The following DGLUCY variants were observed in gnomAD, a reference collection of about 807,000 sequenced individuals.
DGLUCY encodes the protein D-glutamate cyclase, mitochondrial.
DGLUCY carries 58 observed loss-of-function variants against 58.5 expected under a neutral mutation model. The observed-to-expected ratio is 0.99, with a 90% CI of 0.80 to 1.23. DGLUCY has a LOEUF of 1.23. DGLUCY is among the 50% of genes most tolerant of loss of function. The probability of loss-of-function intolerance (pLI) is 0.00; values close to 1 mark genes in which losing one functional copy is unlikely to be tolerated. For synonymous variants in DGLUCY, 325 were observed against 314.1 expected (o/e 1.03, Z -0.37); for missense variants, 779 against 784.7 (o/e 0.99, Z 0.09).
At chr14:91,195,022 T>C (rs1486350922) in intron 9 of DGLUCY, among the ~76,000 whole-genome samples, 1 of 152,148 alleles carries the variant, frequency 6.6e-6, no homozygotes, top group Non-Finnish European at 1.5e-5. Flanking sequence ...AGTTTTAACA[T>C]GGGTACGGTG....
chr14:91,091,505 AAAAT>A (rs774817113), intron 1 of DGLUCY, among the ~76,000 whole-genome samples: 1 of 152,142 alleles, frequency 6.6e-6, no homozygotes, highest in South Asian at 2.1e-4. Context: ...CTGGGCGACA[AAAAT>A]AAATAAATAA....
chr14:91,074,977 C>T (rs1289545863), intron 1 of DGLUCY, among the ~76,000 whole-genome samples: 1 of 150,680 alleles, frequency 6.6e-6, no homozygotes, highest in Non-Finnish European at 1.5e-5. Context: ...GAGGCTGAGG[C>T]AGGAGAATTG....
exon 1 of DGLUCY, chr14:91,060,499 TC>T: frequency 7.8e-7 from 1 of 1,279,046 alleles, no homozygotes. Flanking sequence ...CGGACGCCCG[TC>T]CCCTCGCAGC....
chr14:91,112,071 C>G (rs903944163), upstream of DGLUCY, among the ~76,000 whole-genome samples: 4 of 151,192 alleles, frequency 2.6e-5, no homozygotes, highest in Non-Finnish European at 5.9e-5. Context: ...AACCCCGTCT[C>G]TACTACTAAA....
intron 2 of DGLUCY, among the ~76,000 whole-genome samples, chr14:91,159,546 C>A (rs183510523): frequency 9.9e-5 from 15 of 152,244 alleles, no homozygotes; most frequent in African/African-American, 3.6e-4. Context: ...TTTTAAAAAT[C>A]ATATTTTTTA....
At chr14:91,115,690 G>A (rs1420740186) in intron 1 of DGLUCY, among the ~76,000 whole-genome samples, 5 of 152,196 alleles carry the variant, frequency 3.3e-5, no homozygotes, top group Admixed American at 6.6e-5. Flanking sequence ...GATTATAGGC[G>A]TGAGCCACCA....
upstream of DGLUCY, chr14:91,107,873 GC>G (rs1461255916): frequency 1.3e-5 from 2 of 152,432 alleles, no homozygotes; most frequent in African/African-American, 4.8e-5. Flanking sequence ...GCCAGGCCAG[GC>G]CTCACTGAGG....
chr14:91,064,270 T>C (rs141138763), intron 1 of DGLUCY, among the ~76,000 whole-genome samples: 4 of 152,146 alleles, frequency 2.6e-5, no homozygotes, highest in Admixed American at 6.5e-5. Flanking sequence ...AGGTCTAGCA[T>C]AGGGATGTAA....
chr14:91,223,684 C>T (rs1406893714), intron 13 of DGLUCY: 3 of 1,286,564 alleles, frequency 2.3e-6, no homozygotes, highest in East Asian at 1.1e-4. Flanking sequence ...AGCAGGAGAG[C>T]AAAGGGAGAA....
intron 1 of DGLUCY, among the ~76,000 whole-genome samples, chr14:91,122,602 GTTTTTT>G (rs60627604): frequency 1.7e-4 from 18 of 104,792 alleles, no homozygotes; most frequent in African/African-American, 5.5e-4. Context: ...AAAGAAAAAA[GTTTTTT>G]TTTTTTTTTT....
intron 7 of DGLUCY, among the ~76,000 whole-genome samples, chr14:91,180,170 G>A (rs1435345610): frequency 2.0e-5 from 3 of 151,506 alleles, no homozygotes; most frequent in South Asian, 2.1e-4. Flanking sequence ...GATTACAGCC[G>A]TGAGCCACTG....
At chr14:91,188,794 C>G in intron 8 of DGLUCY, 116 bp from the exon 9 acceptor site, 1 of 1,222,488 alleles carries the variant, frequency 8.2e-7, no homozygotes, top group Non-Finnish European at 1.1e-6. Flanking sequence ...ACGCCACTGC[C>G]TTCCAGCCTG....
chr14:91,182,923 T>TTTA (rs1555402717), intron 8 of DGLUCY, among the ~76,000 whole-genome samples: 2 of 138,794 alleles, frequency 1.4e-5, no homozygotes, highest in African/African-American at 3.1e-5. Context: ...TTTATTTTAT[T>TTTA]TTTTATTTTA....
intron 7 of DGLUCY, among the ~76,000 whole-genome samples, chr14:91,177,849 A>G (rs766243600): frequency 1.3e-5 from 2 of 152,260 alleles, no homozygotes; most frequent in Non-Finnish European, 2.9e-5. Context: ...GCTATGTGCC[A>G]GGCATGCACC....
chr14:91,117,693 CTG>C (rs1380292121), intron 1 of DGLUCY, among the ~76,000 whole-genome samples: 2 of 150,952 alleles, frequency 1.3e-5, no homozygotes, highest in Non-Finnish European at 2.9e-5. Flanking sequence ...ACACGCCAAA[CTG>C]TAAAATATTT....
intron 8 of DGLUCY, among the ~76,000 whole-genome samples, chr14:91,188,337 C>G (rs1362086796): frequency 2.6e-5 from 4 of 152,308 alleles, no homozygotes; most frequent in African/African-American, 9.6e-5. Context: ...ACAGAGAACC[C>G]AATCTCGCGG....
chr14:91,078,866 T>TTTA (rs1486383680), intron 1 of DGLUCY, among the ~76,000 whole-genome samples: 19 of 141,138 alleles, frequency 1.3e-4, no homozygotes, highest in African/African-American at 3.6e-4. Context: ...TCTGTTTATT[T>TTTA]ATTTTTAATT....
intron 13 of DGLUCY, among the ~76,000 whole-genome samples, chr14:91,220,193 G>T (rs984849110): frequency 6.6e-6 from 1 of 152,212 alleles, no homozygotes; most frequent in Non-Finnish European, 1.5e-5. Context: ...CGGCTGCCTG[G>T]TTCAAGCCCT....
At chr14:91,172,582 A>G (rs954843698) in intron 5 of DGLUCY, among the ~76,000 whole-genome samples, 5 of 148,442 alleles carry the variant, frequency 3.4e-5, no homozygotes, top group African/African-American at 1.3e-4. Context: ...TTACAATGAT[A>G]GTAGAACTGG....
Sources: allele counts gnomAD v4.1 joint callset (sites outside exome capture counted in the v4.1 genomes callset), GRCh38; gene constraint gnomAD v4.1.1; transcripts MANE v1.5; gene names NCBI Gene and HGNC (gene_info 2026-07-23, HGNC 2026-07-21).